FBRSL1: variants seen among roughly 807,000 people sequenced by gnomAD.
FBRSL1 encodes fibrosin like 1.
Under a neutral mutation model 89.6 loss-of-function variants are expected in FBRSL1, and 51 were observed. The ratio of observed to expected loss-of-function variants is 0.57; its 90% CI spans 0.45 to 0.72. The LOEUF is 0.72. Ranked by LOEUF, FBRSL1 falls within the 30% of genes least tolerant of loss-of-function variation. FBRSL1 has a pLI of 0.00. For synonymous variants in FBRSL1, 779 were observed against 681.1 expected (o/e 1.14, Z -2.24); for missense variants, 1,618 against 1,451.8 (o/e 1.11, Z -1.86).
chr12:132,501,891 G>A (rs372221447), intron 1 of FBRSL1, among the ~76,000 whole-genome samples: 40 of 152,214 alleles, frequency 2.6e-4, no homozygotes, highest in African/African-American at 8.0e-4. Flanking sequence ...CCTGCCCTGC[G>A]TCCCCCCTTT....
rs200276382 is a variant in FBRSL1, at chr12:132,531,003, G to GC, written c.615+3015_615+3016insC. On this transcript the variant is annotated intron_variant, in intron 4 of 18. Coordinates refer to ENST00000680143, the MANE Select transcript of FBRSL1 (RefSeq NM_001367871.1). Reference sequence around the variant, plus strand: ...CCCCTTGTGTCCAGTGTGGGGGGGGGGGTGCAGGTGAGAGCCCGGGGTGCA... The same window carrying GC: ...CCCCTTGTGTCCAGTGTGGGGGGGGGCGGTGCAGGTGAGAGCCCGGGGTGCA... Among the ~76,000 whole-genome samples the GC allele has an allele frequency of 8.8e-3, 1,331 of 150,628 alleles. 13 individuals are homozygous for GC. The highest frequency in any genetic ancestry group is 0.011 in the Admixed American group (160 of 15,162).
chr12:132,565,532 T>TGTACACGTACCCGAGTGTGCTCAC (rs2039547548), intron 5 of FBRSL1: 2 of 151,514 alleles, frequency 1.3e-5, no homozygotes, highest in African/African-American at 4.9e-5. Context: ...AGTGTGCTCA[T>TGTACACGTACCCGAGTGTGCTCAC]GTACACGTAC....
At chr12:132,550,254 A>G (rs1025582292) in intron 5 of FBRSL1, among the ~76,000 whole-genome samples, 1 of 89,822 alleles carries the variant, frequency 1.1e-5, no homozygotes, top group African/African-American at 9.7e-5. Flanking sequence ...AGGGGCTGCC[A>G]GCCTTTCTCC....
chr12:132,577,923 ACACATC>A (rs1264690614), intron 15 of FBRSL1, among the ~76,000 whole-genome samples: 1 of 152,234 alleles, frequency 6.6e-6, no homozygotes, highest in African/African-American at 2.4e-5. Context: ...ACACACAGTT[ACACATC>A]CACATCCACG....
At chr12:132,523,434 C>T (rs1017452543) in intron 2 of FBRSL1, among the ~76,000 whole-genome samples, 3 of 152,010 alleles carry the variant, frequency 2.0e-5, no homozygotes, top group Non-Finnish European at 4.4e-5. Flanking sequence ...CGCAGGGCAG[C>T]CCACCGAGCC....
At chr12:132,581,928 T>C in intron 17 of FBRSL1, 104 bp downstream of exon 17, 1 of 1,313,636 alleles carries the variant, frequency 7.6e-7, no homozygotes, top group Non-Finnish European at 1.0e-6. Context: ...CCCTCCTCTC[T>C]GGGCTGGGCC....
At chr12:132,577,310 A>C (rs897940693) in intron 15 of FBRSL1, among the ~76,000 whole-genome samples, 1 of 152,130 alleles carries the variant, frequency 6.6e-6, no homozygotes, top group African/African-American at 2.4e-5. Context: ...TGGCCCCACC[A>C]GAGGCAAAGG....
At chr12:132,493,275 C>T (rs1349240706) in intron 1 of FBRSL1, among the ~76,000 whole-genome samples, 2 of 152,264 alleles carry the variant, frequency 1.3e-5, no homozygotes, top group Non-Finnish European at 2.9e-5. Context: ...CCCTCTGCCC[C>T]CACCCGCGTC....
At chr12:132,503,296 G>T (rs770565345) in intron 1 of FBRSL1, among the ~76,000 whole-genome samples, 30 of 152,234 alleles carry the variant, frequency 2.0e-4, no homozygotes, top group African/African-American at 7.2e-4. Context: ...CCGCAAGCCC[G>T]CAGGACCACA....
At chr12:132,528,852 G>A (rs1009592225) in intron 4 of FBRSL1, among the ~76,000 whole-genome samples, 13 of 152,120 alleles carry the variant, frequency 8.5e-5, no homozygotes, top group Non-Finnish European at 1.6e-4. Flanking sequence ...ATGCCTCCCC[G>A]TGGGTGCACA....
At chr12:132,497,771 G>T (rs1010042627) in intron 1 of FBRSL1, among the ~76,000 whole-genome samples, 4 of 152,310 alleles carry the variant, frequency 2.6e-5, no homozygotes, top group South Asian at 2.1e-4. Flanking sequence ...CCGGGGTCAG[G>T]CCCTGACTCC....
Position 132,583,126 on chromosome 12 carries a change from G to C in FBRSL1, c.2357G>C (p.Arg786Pro). Residue 786 changes from arginine to proline, a missense_variant, in exon 19 of 19, where the codon CGC becomes CCC. By Grantham distance (103) the Arg-to-Pro change is moderately radical (BLOSUM62 -2). Coordinates refer to ENST00000680143, the MANE Select transcript of FBRSL1 (RefSeq NM_001367871.1). The stretch of plus-strand genomic sequence containing the variant: ...GCCGAACCTCGGGTCAAGGAGAGCC[G>C]CTCCCCGGCCAAGGAGGAGGCCGCC... Reference protein sequence around the residue: ...REAEPRVKESRSPAKEEAAKM... With the variant: ...REAEPRVKESPSPAKEEAAKM... The C allele has an allele frequency of 2.7e-6, 4 of 1,461,044 alleles. No individual in the cohort carries two copies. The highest frequency in any genetic ancestry group is 2.7e-6 in the Non-Finnish European group (3 of 1,110,502). 90.5% of individuals were successfully genotyped at this position (1,461,044 alleles called of 1,614,324 possible).
chr12:132,501,664 C>A (rs531621676), intron 1 of FBRSL1, among the ~76,000 whole-genome samples: 1 of 152,274 alleles, frequency 6.6e-6, no homozygotes, highest in East Asian at 1.9e-4. Context: ...AGCAAATGCA[C>A]GGCCCATTCC....
intron 11 of FBRSL1, among the ~76,000 whole-genome samples, chr12:132,573,119 G>A (rs1489384378): frequency 2.0e-5 from 3 of 152,194 alleles, no homozygotes; most frequent in South Asian, 2.1e-4. Flanking sequence ...AGGGAACCCC[G>A]TGACCCTCCT....
At chr12:132,506,959 G>A (rs1242580745) in intron 1 of FBRSL1, 1 of 153,468 alleles carries the variant, frequency 6.5e-6, no homozygotes, top group Non-Finnish European at 1.4e-5. Context: ...GGCCTCTCAG[G>A]GCCTCCAGCT....
At chr12:132,576,479 C>T (rs1306133048) in intron 14 of FBRSL1, among the ~76,000 whole-genome samples, 1 of 152,220 alleles carries the variant, frequency 6.6e-6, no homozygotes, top group Non-Finnish European at 1.5e-5. Context: ...AGGCGTGAGC[C>T]ACCGTGCCTG....
intron 5 of FBRSL1, among the ~76,000 whole-genome samples, chr12:132,556,074 C>T (rs758761215): frequency 1.1e-4 from 17 of 152,298 alleles, no homozygotes; most frequent in Admixed American, 2.6e-4. Flanking sequence ...CTGCACTTTC[C>T]CTGGGAGCTG....
At chr12:132,536,487 T>C (rs980381863) in intron 4 of FBRSL1, among the ~76,000 whole-genome samples, 2 of 150,806 alleles carry the variant, frequency 1.3e-5, no homozygotes, top group East Asian at 4.0e-4. Flanking sequence ...CACATGTACA[T>C]GAAGGTGTGT....
At chr12:132,556,238 G>A (rs565016479) in intron 5 of FBRSL1, among the ~76,000 whole-genome samples, 14 of 152,264 alleles carry the variant, frequency 9.2e-5, no homozygotes, top group Admixed American at 2.0e-4. Flanking sequence ...CCCTGATGCT[G>A]CCCTCAGGCC....
Sources: allele counts gnomAD v4.1 joint callset (sites outside exome capture counted in the v4.1 genomes callset), GRCh38; gene constraint gnomAD v4.1.1; transcripts MANE v1.5; gene names NCBI Gene and HGNC (gene_info 2026-07-23, HGNC 2026-07-21).